Variants in ARB2A observed in about 807,000 individuals in gnomAD.
ARB2A encodes the protein ARB2 cotranscriptional regulator A.
chr5:94,031,668 G>T, the ARB2A span, among the ~76,000 whole-genome samples: 105 of 152,322 alleles, frequency 6.9e-4, 3 homozygotes, highest in South Asian at 0.021. Context: ...TGGATAAACA[G>T]AAGTCAGGTA....
chr5:94,073,072 T>C, the ARB2A span, among the ~76,000 whole-genome samples: 1 of 152,136 alleles, frequency 6.6e-6, no homozygotes, highest in Admixed American at 6.5e-5. Flanking sequence ...TCTTGCCATG[T>C]AAACGTGAAA....
At chr5:93,794,924 T>C in the ARB2A span, among the ~76,000 whole-genome samples, 1 of 152,228 alleles carries the variant, frequency 6.6e-6, no homozygotes, top group Non-Finnish European at 1.5e-5. Context: ...GCACATCAGC[T>C]GTGGTTCTAT....
the ARB2A span, among the ~76,000 whole-genome samples, chr5:93,845,569 C>T: frequency 1.4e-4 from 22 of 152,312 alleles, no homozygotes; most frequent in African/African-American, 5.1e-4. Flanking sequence ...GACTCCATCA[C>T]TAACTTGTGC....
At chr5:93,772,002 C>A in the ARB2A span, among the ~76,000 whole-genome samples, 35 of 152,330 alleles carry the variant, frequency 2.3e-4, no homozygotes, top group South Asian at 7.0e-3. Flanking sequence ...AAGACACATG[C>A]ACACGTATGT....
the ARB2A span, chr5:93,620,766 C>G: frequency 4.2e-6 from 2 of 480,758 alleles, no homozygotes; most frequent in Non-Finnish European, 6.7e-6. Flanking sequence ...GCGCTCAGCC[C>G]GCGCTCAGCC....
At chr5:93,875,927 T>TG in the ARB2A span, among the ~76,000 whole-genome samples, 4 of 152,102 alleles carry the variant, frequency 2.6e-5, no homozygotes, top group South Asian at 4.1e-4. Context: ...TCTGTAGTTA[T>TG]GGGGGGTGAA....
the ARB2A span, among the ~76,000 whole-genome samples, chr5:94,047,492 C>CAAAAA: frequency 1.2e-5 from 1 of 81,144 alleles, no homozygotes. Context: ...GACTCCATCT[C>CAAAAA]AAAAAAAAAA....
chr5:93,746,484 CAGATTA>C, the ARB2A span, among the ~76,000 whole-genome samples: 1 of 152,242 alleles, frequency 6.6e-6, no homozygotes, highest in East Asian at 1.9e-4. Flanking sequence ...TCTTTAATTT[CAGATTA>C]AGATTATGAG....
chr5:93,774,361 T>C, the ARB2A span, among the ~76,000 whole-genome samples: 7 of 152,188 alleles, frequency 4.6e-5, no homozygotes, highest in Non-Finnish European at 7.3e-5. Flanking sequence ...CCGCTTAGGA[T>C]GACATGCGTG....
chr5:93,759,308 AAC>A, the ARB2A span, among the ~76,000 whole-genome samples: 2 of 152,194 alleles, frequency 1.3e-5, no homozygotes, highest in Non-Finnish European at 2.9e-5. Flanking sequence ...GCAGAATTCT[AAC>A]AGACATTCAA....
chr5:93,722,674 A>C, the ARB2A span, among the ~76,000 whole-genome samples: 3 of 152,156 alleles, frequency 2.0e-5, no homozygotes, highest in Non-Finnish European at 2.9e-5. Flanking sequence ...ACATAAGAGA[A>C]GGAAGCCAAA....
At chr5:93,763,115 A>T in the ARB2A span, among the ~76,000 whole-genome samples, 1 of 152,242 alleles carries the variant, frequency 6.6e-6, no homozygotes, top group Non-Finnish European at 1.5e-5. Context: ...AAGACCATCG[A>T]GACTAGGAAG....
At chr5:93,695,554 T>C in the ARB2A span, among the ~76,000 whole-genome samples, 1 of 152,150 alleles carries the variant, frequency 6.6e-6, no homozygotes, top group Non-Finnish European at 1.5e-5. Context: ...GGAGAGGATG[T>C]AGAGAAATAG....
chr5:94,062,611 A>G, the ARB2A span, among the ~76,000 whole-genome samples: 1 of 152,088 alleles, frequency 6.6e-6, no homozygotes, highest in African/African-American at 2.4e-5. Flanking sequence ...AGAATAAAGT[A>G]GGAAGCTGCC....
At chr5:93,744,303 C>T in the ARB2A span, among the ~76,000 whole-genome samples, 1 of 151,592 alleles carries the variant, frequency 6.6e-6, no homozygotes, top group Non-Finnish European at 1.5e-5. Context: ...GGCATGGTGG[C>T]GCGGACCTGT....
chr5:93,830,351 A>ATATATATATATC, the ARB2A span, among the ~76,000 whole-genome samples: 1 of 138,956 alleles, frequency 7.2e-6, no homozygotes, highest in South Asian at 2.3e-4. Context: ...ATATATATAT[A>ATATATATATATC]TCCACACACA....
chr5:93,927,180 C>T, the ARB2A span, among the ~76,000 whole-genome samples: 17 of 152,154 alleles, frequency 1.1e-4, no homozygotes, highest in African/African-American at 2.2e-4. Flanking sequence ...AAGGAGTATG[C>T]TCTTAGTGAA....
At chr5:93,987,229 TAGA>T in the ARB2A span, among the ~76,000 whole-genome samples, 1 of 151,944 alleles carries the variant, frequency 6.6e-6, no homozygotes, top group African/African-American at 2.4e-5. Flanking sequence ...AGCCGCCTCC[TAGA>T]AGGAGTAGGG....
the ARB2A span, chr5:93,741,760 T>C: frequency 1.1e-5 from 6 of 557,812 alleles, no homozygotes; most frequent in African/African-American, 1.1e-4. Flanking sequence ...GTGAGCCCCC[T>C]ACCCTGACCT....
Sources: gnomAD v4.1 joint callset for allele counts (sites outside exome capture counted in the v4.1 genomes callset) on GRCh38, gnomAD v4.1.1 for gene constraint, MANE v1.5 for transcripts, NCBI Gene and HGNC (gene_info 2026-07-23, HGNC 2026-07-21) for gene names.